ZNF235: variants seen among roughly 807,000 people sequenced by gnomAD.
The protein encoded by ZNF235 is zinc finger protein 235, also known as zfp-93.
In ZNF235, 25 loss-of-function variants were observed where a neutral mutation model predicts 29.4. The ratio of observed to expected loss-of-function variants is 0.85; its 90% CI spans 0.62 to 1.19. The LOEUF is 1.19. Among genes scored for constraint, ZNF235 ranks in the 50% most tolerant of loss-of-function variants. The pLI, the probability that ZNF235 is intolerant of heterozygous loss-of-function variation, is 0.00. For synonymous variants in ZNF235, 300 were observed against 295.3 expected (o/e 1.02, Z -0.16); for missense variants, 788 against 885.0 (o/e 0.89, Z 1.39).
At chr19:44,300,931 A>G (rs560081440) in intron 2 of ZNF235, among the ~76,000 whole-genome samples, 3 of 151,784 alleles carry the variant, frequency 2.0e-5, no homozygotes, top group Non-Finnish European at 4.4e-5. Context: ...TATAATGTTA[A>G]TTTTCTCAAT....
chr19:44,289,417 G>C (rs1975554979), intron 4 of ZNF235: 4 of 499,154 alleles, frequency 8.0e-6, no homozygotes, highest in Non-Finnish European at 1.4e-5. Context: ...ATCAGCCCAG[G>C]GTATGGTTAA....
chr19:44,300,621 C>T (rs1975722384), intron 2 of ZNF235, among the ~76,000 whole-genome samples: 1 of 152,084 alleles, frequency 6.6e-6, no homozygotes. Context: ...GGGCAGATCA[C>T]TTGAGGTCAG....
intron 4 of ZNF235, among the ~76,000 whole-genome samples, chr19:44,295,110 A>G (rs571284582): frequency 5.9e-5 from 9 of 152,186 alleles, no homozygotes; most frequent in African/African-American, 2.2e-4. Flanking sequence ...AGAAAGACAG[A>G]AAACCAATCT....
rs143676501 is a variant in ZNF235, at chr19:44,300,839, C to CA, written c.16-1108dup. Among the ~76,000 whole-genome samples, 369 of 95,484 alleles carry CA rather than the reference C, an allele frequency of 3.9e-3. 3 individuals are homozygous for CA. Among genetic ancestry groups the CA allele is most frequent in the African/African-American group, 0.011 (244 of 21,626 alleles). 62.6% of individuals were successfully genotyped at this position (95,484 alleles called of 152,430 possible). On this transcript the variant is annotated intron_variant, in intron 2 of 4. Coordinates refer to ENST00000291182, the MANE Select transcript of ZNF235 (RefSeq NM_004234.4). ...TGAATGACAGAGCGAGACTCCGTCT[C>CA]AAAAAAAAAAAAAAAAAAAAGGTAA...
Position 44,288,135 on chromosome 19 carries a change from C to G in ZNF235, c.1300G>C (p.Gly434Arg), listed in dbSNP as rs1975521781. 2 of 1,613,966 alleles carry G rather than the reference C, an allele frequency of 1.2e-6. No individual in the cohort carries two copies. The highest frequency in any genetic ancestry group is 1.7e-6 in the Non-Finnish European group (2 of 1,180,010). ...CAACTAAAGCGTTTACCACAATCCCCACATTTATATGGTTTCTCTCCAGTG... is the reference window on the plus strand; with the variant it reads ...CAACTAAAGCGTTTACCACAATCCCGACATTTATATGGTTTCTCTCCAGTG... ...IHTGEKPYKCGDCGKRFSCSS... is the reference protein window; with the variant it reads ...IHTGEKPYKCRDCGKRFSCSS... Residue 434 changes from glycine to arginine, a missense_variant, in exon 5 of 5, where the codon GGG becomes CGG. Physicochemically the swap from Gly to Arg is moderately radical, Grantham distance 125. Coordinates refer to ENST00000291182, the MANE Select transcript of ZNF235 (RefSeq NM_004234.4).
rs112292945 is a variant in ZNF235 at position 44,291,362 on chromosome 19, T to C, written c.239-2166A>G. On this transcript the variant is annotated intron_variant, in intron 4 of 4. Transcript: ENST00000291182. ...AAATTGAGTGAAAATAAAAAACCAA[T>C]ATATCAAAATTTCTACTTAGAGCAA... Among the ~76,000 whole-genome samples, 322 of 152,240 alleles carry C rather than the reference T, an allele frequency of 2.1e-3. 2 individuals carry two copies. Among genetic ancestry groups the C allele is most frequent in the African/African-American group, 7.3e-3 (302 of 41,558 alleles).
At chr19:44,297,769 T>C (rs1975674287) in intron 4 of ZNF235, among the ~76,000 whole-genome samples, 1 of 152,046 alleles carries the variant, frequency 6.6e-6, no homozygotes, top group Non-Finnish European at 1.5e-5. Flanking sequence ...AGCTGGAAGA[T>C]GGTATTTTAA....
chr19:44,287,710 C>G lies in ZNF235; in HGVS notation c.1725G>C (p.Glu575Asp), dbSNP rs2123088275. 6.2e-7 allele frequency: 1 copy of G among 1,613,506 alleles called. No homozygotes were observed. The highest frequency in any genetic ancestry group is 1.3e-5 in the African/African-American group (1 of 74,830). Residue 575 changes from glutamate (E) to aspartate (D), a missense_variant, in exon 5 of 5, where the codon GAG (glutamate) becomes GAC (aspartate). Physicochemically the swap from Glu to Asp is conservative, Grantham distance 45. Transcript: ENST00000291182. ...AAGCCTGACTGAAACCCTTACCACA[C>G]TCTTCACATTTGTAGGGTTTCTCTC... ...HTGEKPYKCE[E>D]CGKGFSQASN...
At chr19:44,304,437 G>A (rs1028296593) in intron 1 of ZNF235, among the ~76,000 whole-genome samples, 1 of 152,162 alleles carries the variant, frequency 6.6e-6, no homozygotes, top group African/African-American at 2.4e-5. Flanking sequence ...CAAGAATCCA[G>A]GAACGGCCCC....
At chr19:44,304,713 T>C (rs1568648679) in intron 1 of ZNF235, 3 of 985,448 alleles carry the variant, frequency 3.0e-6, no homozygotes, top group Admixed American at 6.1e-5. Context: ...AATATTTTAC[T>C]GCGAGGAGCA....
At position 44,287,888 on chromosome 19, in the gene ZNF235, C is replaced by T. The variant is rs753015606; in HGVS notation, c.1547G>A (p.Arg516Gln). The T allele has an allele frequency of 1.3e-5, 21 of 1,612,438 alleles. No individual in the cohort carries two copies. The highest frequency in any genetic ancestry group is 6.7e-5 in the Admixed American group (4 of 59,882). Residue 516 changes from arginine (R) to glutamine (Q), a missense_variant, in exon 5 of 5, where the codon CGA becomes CAA. Physicochemically the swap from Arg to Gln is conservative, Grantham distance 43. Transcript: ENST00000291182. The stretch of plus-strand genomic sequence containing the variant: ...GAAGCCTTTCCCACACACGTTGCAT[C>T]GAAATGGTTTCTCTCCTGTATGGAC... ...QRVHTGEKPFRCNVCGKGFSQ... is the reference protein window; with the variant it reads ...QRVHTGEKPFQCNVCGKGFSQ...
chr19:44,292,919 G>C (rs1204278637), intron 4 of ZNF235, among the ~76,000 whole-genome samples: 2 of 151,958 alleles, frequency 1.3e-5, no homozygotes, highest in African/African-American at 4.8e-5. Context: ...AGAAGAGATT[G>C]GATTCTATTT....
chr19:44,297,805 G>A (rs1388453343), intron 4 of ZNF235, among the ~76,000 whole-genome samples: 1 of 152,116 alleles, frequency 6.6e-6, no homozygotes, highest in Non-Finnish European at 1.5e-5. Context: ...AATGATTTCT[G>A]AGCAGAAGCA....
chr19:44,287,767 C>T lies in ZNF235; in HGVS notation c.1668G>A (p.Leu556=), dbSNP rs1975511249. ...GGACTCTCTGATGATTGTGAAGATT[C>T]AAGCTCCAATTGAAGCGCTTCCCAC... The part of the protein sequence containing the change: ...EVCGKRFNWS[L]NLHNHQRVHT... The change falls in exon 5 of 5, where the codon TTG becomes TTA. Residue 556 remains leucine, a synonymous_variant. Coordinates refer to ENST00000291182, the MANE Select transcript of ZNF235 (RefSeq NM_004234.4). 2 of 1,612,300 alleles carry T rather than the reference C, an allele frequency of 1.2e-6. No individual in the cohort carries two copies. Among genetic ancestry groups the T allele is most frequent in the African/African-American group, 1.3e-5 (1 of 74,434 alleles).
At position 44,303,437 on chromosome 19, in the gene ZNF235, T is replaced by C. The variant is rs1407307133; in HGVS notation, c.-33A>G. 1.2e-6 allele frequency: 2 copies of C among 1,607,836 alleles called. No individual in the cohort carries two copies. Among genetic ancestry groups the C allele is most frequent in the Admixed American group, 1.7e-5 (1 of 59,640 alleles). On this transcript the variant is annotated 5_prime_UTR_variant, in exon 2 of 5. Transcript: ENST00000291182. The stretch of plus-strand genomic sequence containing the variant: ...CTCCTCCTTCTGGGAAAAGGCAGAG[T>C]TCCGGGGAAGTGAACCTGAGGGAGG...
At chr19:44,299,947 A>C (rs1232532366) in intron 2 of ZNF235, among the ~76,000 whole-genome samples, 1 of 152,204 alleles carries the variant, frequency 6.6e-6, no homozygotes, top group African/African-American at 2.4e-5. Flanking sequence ...CACACATTTT[A>C]CCATTTGACT....
At chr19:44,295,790 C>T (rs907583231) in intron 4 of ZNF235, among the ~76,000 whole-genome samples, 1 of 152,046 alleles carries the variant, frequency 6.6e-6, no homozygotes, top group African/African-American at 2.4e-5. Flanking sequence ...AAGTCACATA[C>T]CTACAGCCAA....
chr19:44,303,292 C>T, intron 2 of ZNF235, 98 bp downstream of exon 2: 1 of 1,288,994 alleles, frequency 7.8e-7, no homozygotes, highest in East Asian at 2.4e-5. Flanking sequence ...TTCCAAGTGC[C>T]TTTCGTTCCC....
chr19:44,288,385 G>C lies in ZNF235; in HGVS notation c.1050C>G (p.His350Gln), dbSNP rs372214233. ...TCTGATTAAAGCTCTTACCACACTC[G>C]TGGCATGTATAGGGTTTCTCCCCTG... ...VHTGEKPYTC[H>Q]ECGKSFNQSS... The change falls in exon 5 of 5, where the codon CAC (histidine) becomes CAG (glutamine). Residue 350 changes from histidine (H) to glutamine (Q), a missense_variant. His to Gln is a conservative substitution (Grantham distance 24). Transcript: ENST00000291182. 1.2e-6 allele frequency: 2 copies of C among 1,613,480 alleles called. No individual in the cohort carries two copies. Among genetic ancestry groups the C allele is most frequent in the Non-Finnish European group, 8.5e-7 (1 of 1,179,808 alleles).
Sources: gnomAD v4.1 joint callset for allele counts (sites outside exome capture counted in the v4.1 genomes callset) on GRCh38, gnomAD v4.1.1 for gene constraint, MANE v1.5 for transcripts, NCBI Gene and HGNC (gene_info 2026-07-23, HGNC 2026-07-21) for gene names.